ANKS1B: variants seen among roughly 807,000 people sequenced by gnomAD.
The protein encoded by ANKS1B is ankyrin repeat and sterile alpha motif domain-containing protein 1B.
A neutral mutation model predicts 148.3 loss-of-function variants in ANKS1B; 36 were observed. The ratio of observed to expected loss-of-function variants is 0.24; its 90% CI spans 0.19 to 0.32. The LOEUF is 0.32. Among genes scored for constraint, ANKS1B ranks in the 10% least tolerant of loss-of-function variants. The pLI is 1.00. For missense variants in ANKS1B, 1,157 were observed against 1,542.6 expected (o/e 0.75, Z 4.19); for synonymous variants, 542 against 560.8 (o/e 0.97, Z 0.47).
intron 17 of ANKS1B, among the ~76,000 whole-genome samples, chr12:98,955,839 G>A (rs2099861312): frequency 6.6e-6 from 1 of 152,192 alleles, no homozygotes; most frequent in South Asian, 2.1e-4. Context: ...TTTTAGACAA[G>A]TGGAGATATT....
At chr12:99,254,149 T>C (rs2074980988) in intron 12 of ANKS1B, among the ~76,000 whole-genome samples, 4 of 152,178 alleles carry the variant, frequency 2.6e-5, no homozygotes, top group South Asian at 4.1e-4. Context: ...CCAGCACATC[T>C]TGAAGGAGGT....
At chr12:99,723,825 A>G (rs1388760031) in intron 8 of ANKS1B, among the ~76,000 whole-genome samples, 1 of 152,166 alleles carries the variant, frequency 6.6e-6, no homozygotes, top group African/African-American at 2.4e-5. Context: ...AGCCTCCTTG[A>G]GTGACTGGCT....
At chr12:99,007,871 C>G (rs1256065184) in intron 17 of ANKS1B, among the ~76,000 whole-genome samples, 1 of 145,328 alleles carries the variant, frequency 6.9e-6, no homozygotes, top group Non-Finnish European at 1.5e-5. Context: ...GGCAGAGATC[C>G]ACACGTTATC....
intron 14 of ANKS1B, among the ~76,000 whole-genome samples, chr12:99,219,402 A>G (rs1277118780): frequency 6.6e-6 from 1 of 152,182 alleles, no homozygotes; most frequent in African/African-American, 2.4e-5. Flanking sequence ...TCTCTGTGGA[A>G]GGATAGGAGG....
At chr12:99,793,331 A>C (rs1167578073) in intron 4 of ANKS1B, among the ~76,000 whole-genome samples, 1 of 152,120 alleles carries the variant, frequency 6.6e-6, no homozygotes, top group African/African-American at 2.4e-5. Context: ...AGAAATGGAA[A>C]ACCAATCCCA....
chr12:98,826,723 G>A (rs1161413419), intron 19 of ANKS1B, among the ~76,000 whole-genome samples: 1 of 152,176 alleles, frequency 6.6e-6, no homozygotes, highest in Non-Finnish European at 1.5e-5. Flanking sequence ...CATTAACCAA[G>A]CTACAGTAAG....
At chr12:99,963,466 T>C (rs1221350298) in intron 1 of ANKS1B, among the ~76,000 whole-genome samples, 1 of 152,220 alleles carries the variant, frequency 6.6e-6, no homozygotes, top group Non-Finnish European at 1.5e-5. Flanking sequence ...CAGGAACTGG[T>C]AATAGTGCCT....
At chr12:99,144,135 T>A (rs982746349) in intron 15 of ANKS1B, among the ~76,000 whole-genome samples, 5 of 152,062 alleles carry the variant, frequency 3.3e-5, no homozygotes, top group Admixed American at 6.6e-5. Context: ...TTGGCTATAT[T>A]TTTTTTCTTT....
At chr12:99,977,740 C>T (rs750571969) in intron 1 of ANKS1B, among the ~76,000 whole-genome samples, 32 of 152,164 alleles carry the variant, frequency 2.1e-4, no homozygotes, top group Admixed American at 3.3e-4. Context: ...TCTGCCTGCC[C>T]GTACGGCTTA....
At chr12:98,909,922 C>T (rs531901525) in intron 17 of ANKS1B, among the ~76,000 whole-genome samples, 118 of 152,324 alleles carry the variant, frequency 7.7e-4, no homozygotes, top group Non-Finnish European at 1.2e-3. Flanking sequence ...GATACAGCTC[C>T]ATACCTCAGG....
intron 10 of ANKS1B, among the ~76,000 whole-genome samples, chr12:99,492,377 C>A (rs761255769): frequency 1.3e-5 from 2 of 152,032 alleles, no homozygotes; most frequent in South Asian, 4.2e-4. Flanking sequence ...CTAAACAGCC[C>A]AATAACAAGC....
At chr12:99,494,529 T>A (rs899589200) in intron 10 of ANKS1B, among the ~76,000 whole-genome samples, 1 of 151,706 alleles carries the variant, frequency 6.6e-6, no homozygotes, top group Admixed American at 6.6e-5. Flanking sequence ...GTCAGGAGAT[T>A]GAGACCATCC....
At chr12:99,382,383 T>C (rs953959760) in intron 12 of ANKS1B, among the ~76,000 whole-genome samples, 1 of 151,944 alleles carries the variant, frequency 6.6e-6, no homozygotes, top group East Asian at 1.9e-4. Context: ...AAAATGAGCA[T>C]ATCAAAGAGA....
intron 8 of ANKS1B, among the ~76,000 whole-genome samples, chr12:99,696,135 T>C (rs974804674): frequency 6.6e-6 from 1 of 152,180 alleles, no homozygotes; most frequent in Non-Finnish European, 1.5e-5. Context: ...AAATTTTTTT[T>C]AAGTAGATTC....
At chr12:98,980,362 A>G (rs1458892205) in intron 17 of ANKS1B, among the ~76,000 whole-genome samples, 1 of 151,964 alleles carries the variant, frequency 6.6e-6, no homozygotes, top group Non-Finnish European at 1.5e-5. Flanking sequence ...CACCACGCCC[A>G]GCTAATTTTT....
intron 14 of ANKS1B, among the ~76,000 whole-genome samples, chr12:99,218,940 A>T (rs868348293): frequency 1.3e-5 from 2 of 152,226 alleles, no homozygotes; most frequent in Non-Finnish European, 1.5e-5. Flanking sequence ...TGACCTATAT[A>T]CGTATTATAC....
chr12:98,952,228 C>A (rs1453643700), intron 17 of ANKS1B, among the ~76,000 whole-genome samples: 1 of 152,176 alleles, frequency 6.6e-6, no homozygotes, highest in Non-Finnish European at 1.5e-5. Context: ...GTATTCCCCC[C>A]GTCTTTTGGA....
chr12:99,581,714 C>T (rs2097571202), intron 9 of ANKS1B, among the ~76,000 whole-genome samples: 1 of 151,606 alleles, frequency 6.6e-6, no homozygotes, highest in African/African-American at 2.4e-5. Context: ...CAAGGTGAAA[C>T]CCCGTCTCTA....
chr12:99,905,351 A>G (rs545682583), intron 1 of ANKS1B, among the ~76,000 whole-genome samples: 7 of 152,336 alleles, frequency 4.6e-5, no homozygotes, highest in South Asian at 4.1e-4. Context: ...ATCAAGCATT[A>G]AGAATGCCAA....
Sources: gnomAD v4.1 joint callset for allele counts (sites outside exome capture counted in the v4.1 genomes callset) on GRCh38, gnomAD v4.1.1 for gene constraint, MANE v1.5 for transcripts, NCBI Gene and HGNC (gene_info 2026-07-23, HGNC 2026-07-21) for gene names.